The following HMGCLL1 variants were observed in gnomAD, a reference collection of about 807,000 sequenced individuals.
HMGCLL1 encodes the protein 3-hydroxy-3-methylglutaryl-CoA lyase like 1.
Under a neutral mutation model 39.1 loss-of-function variants are expected in HMGCLL1, and 36 were observed. The ratio of observed to expected loss-of-function variants is 0.92; its 90% CI spans 0.71 to 1.22. HMGCLL1 has a LOEUF of 1.22. Among genes scored for constraint, HMGCLL1 ranks in the 50% most tolerant of loss-of-function variants. HMGCLL1 has a pLI of 0.00. For synonymous variants in HMGCLL1, 149 were observed against 144.0 expected (o/e 1.03, Z -0.25); for missense variants, 451 against 416.5 (o/e 1.08, Z -0.72).
intron 7 of HMGCLL1, among the ~76,000 whole-genome samples, chr6:55,468,453 C>G (rs1286168193): frequency 6.6e-6 from 1 of 151,852 alleles, no homozygotes; most frequent in African/African-American, 2.4e-5. Flanking sequence ...TAATACCTAT[C>G]TTTTAGACTC....
Position 55,514,153 on chromosome 6 carries a change from G to T in HMGCLL1, c.437C>A (p.Ser146Tyr), listed in dbSNP as rs1182548577. ...AATATTCTTCTTGCTAAAGGATTCAGATGCAGCTCCAAAAACTGATATCTC... is the reference window on the plus strand; with the variant it reads ...AATATTCTTCTTGCTAAAGGATTCATATGCAGCTCCAAAAACTGATATCTC... The part of the protein sequence containing the change: ...ATEISVFGAA[S>Y]ESFSKKNINC... The change falls in exon 5 of 9, where the codon TCT (serine) becomes TAT (tyrosine). Residue 146 changes from serine (S) to tyrosine (Y), a missense_variant. Physicochemically the swap from Ser to Tyr is moderately radical, Grantham distance 144. Transcript: ENST00000274901. 6.2e-7 allele frequency: 1 copy of T among 1,611,904 alleles called. No individual in the cohort carries two copies. The highest frequency in any genetic ancestry group is 8.5e-7 in the Non-Finnish European group (1 of 1,179,150).
At chr6:55,574,528 T>G (rs1000109762) in intron 1 of HMGCLL1, among the ~76,000 whole-genome samples, 1 of 150,242 alleles carries the variant, frequency 6.7e-6, no homozygotes, top group African/African-American at 2.4e-5. Flanking sequence ...TAAAAAAAAG[T>G]ATATCACTAA....
At chr6:55,602,971 A>G in the HMGCLL1 span, among the ~76,000 whole-genome samples, 11 of 152,074 alleles carry the variant, frequency 7.2e-5, no homozygotes, top group Non-Finnish European at 1.3e-4. Flanking sequence ...GTGGTGCTTG[A>G]GAATTTGGTT....
chr6:55,612,185 A>T, the HMGCLL1 span, among the ~76,000 whole-genome samples: 1 of 152,246 alleles, frequency 6.6e-6, no homozygotes, highest in South Asian at 2.1e-4. Flanking sequence ...ATCATGAATG[A>T]ACTCCCATTC....
the HMGCLL1 span, among the ~76,000 whole-genome samples, chr6:55,638,727 T>G: frequency 6.6e-6 from 1 of 152,142 alleles, no homozygotes; most frequent in Non-Finnish European, 1.5e-5. Flanking sequence ...ACAGGAGATA[T>G]GCCAAGTGAA....
At chr6:55,517,315 T>C (rs1767791487) in intron 3 of HMGCLL1, among the ~76,000 whole-genome samples, 1 of 152,062 alleles carries the variant, frequency 6.6e-6, no homozygotes, top group South Asian at 2.1e-4. Context: ...AGAATTAGCT[T>C]CTTAAAACAA....
At chr6:55,551,183 A>G (rs1770310100) in intron 1 of HMGCLL1, among the ~76,000 whole-genome samples, 3 of 151,898 alleles carry the variant, frequency 2.0e-5, no homozygotes, top group South Asian at 4.1e-4. Flanking sequence ...CATTTGAGTA[A>G]ATTTACACTG....
At chr6:55,610,433 C>T in the HMGCLL1 span, among the ~76,000 whole-genome samples, 1 of 151,756 alleles carries the variant, frequency 6.6e-6, no homozygotes, top group African/African-American at 2.4e-5. Context: ...GAAAGAATAT[C>T]AGAGCTTGAA....
the HMGCLL1 span, among the ~76,000 whole-genome samples, chr6:55,671,599 C>G: frequency 6.6e-6 from 1 of 151,774 alleles, no homozygotes; most frequent in African/African-American, 2.4e-5. Context: ...AAAACTTAAA[C>G]TTGAGATTTT....
chr6:55,570,639 C>T (rs2127475816), intron 1 of HMGCLL1, among the ~76,000 whole-genome samples: 1 of 152,272 alleles, frequency 6.6e-6, no homozygotes, highest in East Asian at 1.9e-4. Flanking sequence ...ATTCAATGTC[C>T]TGGTGGACCT....
the HMGCLL1 span, among the ~76,000 whole-genome samples, chr6:55,639,398 C>T: frequency 1.3e-5 from 2 of 150,216 alleles, no homozygotes; most frequent in African/African-American, 2.5e-5. Context: ...TACTAGATGG[C>T]AGCACTATTC....
At chr6:55,507,922 C>A (rs1767252886) in intron 5 of HMGCLL1, among the ~76,000 whole-genome samples, 2 of 151,688 alleles carry the variant, frequency 1.3e-5, no homozygotes, top group African/African-American at 4.8e-5. Context: ...ACTTTAATTG[C>A]CACCTTTTTT....
chr6:55,631,675 A>G, the HMGCLL1 span, among the ~76,000 whole-genome samples: 1 of 152,150 alleles, frequency 6.6e-6, no homozygotes, highest in East Asian at 1.9e-4. Context: ...TTCATTGATT[A>G]CTATGTAATC....
chr6:55,580,370 A>G (rs147052543), upstream of HMGCLL1, among the ~76,000 whole-genome samples: 1,886 of 147,348 alleles, frequency 0.013, 42 homozygotes, highest in African/African-American at 0.043. Context: ...TCTTCTTCTC[A>G]CAGTTAACCA....
the HMGCLL1 span, among the ~76,000 whole-genome samples, chr6:55,659,258 T>C: frequency 6.6e-6 from 1 of 151,894 alleles, no homozygotes; most frequent in Non-Finnish European, 1.5e-5. Context: ...CAGAAAATTA[T>C]AGCAGGAAAG....
chr6:55,636,925 C>A, the HMGCLL1 span, among the ~76,000 whole-genome samples: 2 of 152,052 alleles, frequency 1.3e-5, no homozygotes, highest in Non-Finnish European at 2.9e-5. Context: ...AGTGATATAA[C>A]CTTTTAAAAC....
At position 55,514,196 on chromosome 6, in the gene HMGCLL1, C is replaced by T. The variant is rs751051634; in HGVS notation, c.394G>A (p.Val132Ile). 3 of 1,594,086 alleles carry T rather than the reference C, an allele frequency of 1.9e-6. No homozygotes were observed. Among genetic ancestry groups the T allele is most frequent in the Non-Finnish European group, 2.6e-6 (3 of 1,174,080 alleles). Residue 132 changes from valine to isoleucine, a missense_variant and splice_region_variant, in exon 5 of 9, where the codon GTT becomes ATT. Val to Ile is a conservative substitution (Grantham distance 29, BLOSUM62 3). Transcript: ENST00000274901. ...TPNLQGFHHA[V>I]AAGATEISVF... ...GATATCTCAGTAGCTCCAGCAGCAA[C>T]CTGAAAAATATATAATTTAAAGCCA...
the HMGCLL1 span, among the ~76,000 whole-genome samples, chr6:55,634,952 A>G: frequency 6.6e-6 from 1 of 152,168 alleles, no homozygotes; most frequent in African/African-American, 2.4e-5. Context: ...TGGTTAAGGC[A>G]CACTCATCTT....
intron 7 of HMGCLL1, among the ~76,000 whole-genome samples, chr6:55,486,854 A>G (rs1345138413): frequency 1.3e-5 from 2 of 152,140 alleles, no homozygotes; most frequent in Non-Finnish European, 2.9e-5. Context: ...AGTCCACGAT[A>G]AAAGTGCTGG....
Sources: allele counts gnomAD v4.1 joint callset (sites outside exome capture counted in the v4.1 genomes callset), GRCh38; gene constraint gnomAD v4.1.1; transcripts MANE v1.5; gene names NCBI Gene and HGNC (gene_info 2026-07-23, HGNC 2026-07-21).